Variants in WSCD2 observed in about 807,000 individuals in gnomAD.
WSCD2 encodes the protein WSC domain sialate O sulfotransferase 2, also known as sialate:O-sulfotransferase 2.
A neutral mutation model predicts 55.7 loss-of-function variants in WSCD2; 28 were observed. The ratio of observed to expected loss-of-function variants is 0.50; its 90% confidence interval spans 0.37 to 0.69. WSCD2 has a LOEUF of 0.69. WSCD2 is among the 30% of genes least tolerant of loss of function. WSCD2 has a pLI of 0.00. For missense variants in WSCD2, 616 were observed against 762.1 expected (o/e 0.81, Z 2.26); for synonymous variants, 301 against 301.9 (o/e 1.00, Z 0.03).
chr12:108,248,776 G>A lies in WSCD2; in HGVS notation c.*433G>A, dbSNP rs138142123. ...TTGGCCCCAGATGCTTGTCCCTTCT[G>A]GGCTGAGATTTCGCAGCCCCCTTCT... is the stretch of plus-strand genomic sequence containing the variant. On this transcript the variant is annotated 3_prime_UTR_variant, in exon 9 of 9. Transcript: ENST00000547525. This position sits in a 1 kb window ranked among gnomAD's most constrained non-coding sequence, Gnocchi z 4.3. 23 of 993,640 alleles carry A rather than the reference G, an allele frequency of 2.3e-5. No homozygotes were observed. The highest frequency in any genetic ancestry group is 2.8e-5 in the Non-Finnish European group (23 of 834,134). The allele number at this position is 993,640 out of a possible 1,614,324, so 61.6% of individuals were successfully genotyped here.
chr12:108,178,522 A>G (rs1423524516), intron 1 of WSCD2, among the ~76,000 whole-genome samples: 2 of 152,164 alleles, frequency 1.3e-5, no homozygotes, highest in African/African-American at 4.8e-5. Flanking sequence ...AGTCACACAC[A>G]TCTGTCAAGA....
intron 1 of WSCD2, among the ~76,000 whole-genome samples, chr12:108,184,347 G>C (rs1882182505): frequency 6.6e-6 from 1 of 152,216 alleles, no homozygotes; most frequent in South Asian, 2.1e-4. Flanking sequence ...GCCTTGGACA[G>C]AAAGATTGGG....
intron 4 of WSCD2, among the ~76,000 whole-genome samples, chr12:108,219,097 G>A (rs1363172480): frequency 6.6e-6 from 1 of 152,170 alleles, no homozygotes; most frequent in Non-Finnish European, 1.5e-5. Flanking sequence ...TACTAGAAGA[G>A]GAGCCCTCTT....
intron 4 of WSCD2, among the ~76,000 whole-genome samples, chr12:108,219,393 C>A (rs1280702641): frequency 6.6e-6 from 1 of 152,188 alleles, no homozygotes; most frequent in South Asian, 2.1e-4. Context: ...CTCACACTGG[C>A]ATGAGCACAG....
intron 1 of WSCD2, among the ~76,000 whole-genome samples, chr12:108,144,112 G>A (rs1877143664): frequency 6.6e-6 from 1 of 152,046 alleles, no homozygotes; most frequent in Non-Finnish European, 1.5e-5. Flanking sequence ...TAAAACCTAG[G>A]GCAGGCTAGA....
At chr12:108,176,878 T>C (rs1207173952) in intron 1 of WSCD2, among the ~76,000 whole-genome samples, 1 of 152,186 alleles carries the variant, frequency 6.6e-6, no homozygotes, top group Admixed American at 6.5e-5. Context: ...ACCTCCTGTC[T>C]AGACGATTAG....
At chr12:108,205,695 A>C (rs779006273) in intron 2 of WSCD2, among the ~76,000 whole-genome samples, 30 of 152,336 alleles carry the variant, frequency 2.0e-4, no homozygotes, top group Non-Finnish European at 4.0e-4. Context: ...CATATGCAAG[A>C]CACTATGGTA....
At chr12:108,202,481 G>A (rs1884819150) in intron 2 of WSCD2, among the ~76,000 whole-genome samples, 1 of 152,152 alleles carries the variant, frequency 6.6e-6, no homozygotes, top group Non-Finnish European at 1.5e-5. Flanking sequence ...TGGTGGGAGG[G>A]TGAGGAAGGG....
chr12:108,148,757 C>G (rs1276644064), intron 1 of WSCD2, among the ~76,000 whole-genome samples: 1 of 152,186 alleles, frequency 6.6e-6, no homozygotes, highest in Non-Finnish European at 1.5e-5. Context: ...TTATTGAGCT[C>G]TTACTAAGTG....
chr12:108,201,446 T>G, intron 2 of WSCD2, among the ~76,000 whole-genome samples: 1 of 149,310 alleles, frequency 6.7e-6, no homozygotes, highest in Non-Finnish European at 1.5e-5. Context: ...GCCATGACCC[T>G]ATTTCCAAAT....
At chr12:108,180,552 A>G (rs1881588295) in intron 1 of WSCD2, among the ~76,000 whole-genome samples, 1 of 152,258 alleles carries the variant, frequency 6.6e-6, no homozygotes, top group African/African-American at 2.4e-5. Context: ...GGGAGGGAGA[A>G]GTAAATAGGA....
At position 108,248,288 on chromosome 12, in the gene WSCD2, C is replaced by T. The variant is rs1434117760; in HGVS notation, c.1643C>T (p.Ala548Val). The T allele has an allele frequency of 3.1e-6, 5 of 1,614,204 alleles. No homozygotes were observed. The Middle Eastern group carries it at 5.0e-4, about 160-fold the overall frequency. ...TCTGCCTACATCAAGATGGTGGATG[C>T]AGCCCTCAAAGGGCGGAACCTAACG... The part of the protein sequence containing the change: ...TISAYIKMVD[A>V]ALKGRNLTGV... Residue 548 changes from alanine (A) to valine (V), a missense_variant, in exon 9 of 9, where the codon GCA becomes GTA. Physicochemically the swap from Ala to Val is moderately conservative, Grantham distance 64. This residue lies in a region of WSCD2 where 234 missense variants were observed against 264.6 expected (regional missense o/e 0.88). Coordinates refer to ENST00000547525, the MANE Select transcript of WSCD2 (RefSeq NM_014653.4). The surrounding 1 kb of genome is among the most constrained non-coding windows in gnomAD (Gnocchi z 4.3).
chr12:108,240,450 C>T lies in WSCD2; in HGVS notation c.1251C>T (p.Leu417=), dbSNP rs765183773. ...EIEAFDAAIL[L]IRNPYKALMA... ...AGGCCTTCGACGCCGCCATCCTGCT[C>T]ATCCGCAACCCCTACAAAGCCCTCA... is the stretch of plus-strand genomic sequence containing the variant. The change falls in exon 8 of 9, where the codon CTC becomes CTT. Residue 417 remains leucine (L), a synonymous_variant. Transcript: ENST00000547525. 9 of 1,614,136 alleles carry T rather than the reference C, an allele frequency of 5.6e-6. No homozygotes were observed. In the South Asian group the frequency reaches 8.8e-5, roughly 16 times the overall value.
intron 8 of WSCD2, chr12:108,244,671 G>A (rs1593130700): frequency 1.4e-6 from 1 of 693,058 alleles, no homozygotes; most frequent in African/African-American, 1.7e-5. Context: ...CTCATGTGGG[G>A]AGGAGCTGGG....
intron 7 of WSCD2, among the ~76,000 whole-genome samples, chr12:108,234,869 T>C (rs1402522695): frequency 2.0e-5 from 3 of 152,182 alleles, no homozygotes; most frequent in African/African-American, 7.2e-5. Context: ...TTCCAATGAA[T>C]TTTTGCTTAA....
chr12:108,190,146 G>C (rs530194954), intron 1 of WSCD2, among the ~76,000 whole-genome samples: 3 of 152,312 alleles, frequency 2.0e-5, no homozygotes, highest in Non-Finnish European at 4.4e-5. Flanking sequence ...AAGAATGATA[G>C]TGGGGATTAA....
intron 1 of WSCD2, among the ~76,000 whole-genome samples, chr12:108,140,635 G>A (rs1340395710): frequency 6.6e-6 from 1 of 152,194 alleles, no homozygotes; most frequent in Non-Finnish European, 1.5e-5. Context: ...GGATTGAGGT[G>A]TCAGTGTCTT....
chr12:108,194,986 C>G (rs1414150249), intron 1 of WSCD2, among the ~76,000 whole-genome samples: 2 of 152,052 alleles, frequency 1.3e-5, no homozygotes, highest in African/African-American at 4.8e-5. Context: ...AAGTATGGAG[C>G]AAAGCAAACC....
At chr12:108,167,748 C>T (rs965034920) in intron 1 of WSCD2, among the ~76,000 whole-genome samples, 3 of 152,240 alleles carry the variant, frequency 2.0e-5, no homozygotes, top group African/African-American at 7.2e-5. Context: ...CTTTCTCTCC[C>T]AGCCAAAGGC....
Sources: allele counts gnomAD v4.1 joint callset (sites outside exome capture counted in the v4.1 genomes callset), GRCh38; gene constraint gnomAD v4.1.1; regional missense constraint gnomAD v4.1.1; non-coding constraint Gnocchi (gnomAD v3.1); transcripts MANE v1.5; gene names NCBI Gene and HGNC (gene_info 2026-07-23, HGNC 2026-07-21).